The following LRGUK variants were observed in gnomAD, a reference collection of about 807,000 sequenced individuals.
LRGUK encodes the protein leucine-rich repeat and guanylate kinase domain-containing protein.
In LRGUK, 65 loss-of-function variants were observed where a neutral mutation model predicts 76.0. The observed-to-expected ratio is 0.85, with a 90% confidence interval of 0.70 to 1.05. The LOEUF (loss-of-function observed/expected upper bound fraction) is 1.05, where lower values mean the gene tolerates loss of function less well. Among genes scored for constraint, LRGUK ranks in the 50% least tolerant of loss-of-function variants. LRGUK has a pLI of 0.00. For synonymous variants in LRGUK, 268 were observed against 265.6 expected, an observed-to-expected ratio of 1.01 and a Z score of -0.09; for missense variants, 758 against 732.8, an observed-to-expected ratio of 1.03 and a Z score of -0.40.
chr7:134,256,698 T>C (rs941594235), intron 18 of LRGUK, among the ~76,000 whole-genome samples: 3 of 152,124 alleles, frequency 2.0e-5, no homozygotes, highest in Non-Finnish European at 4.4e-5. Flanking sequence ...CCCCCTTTTC[T>C]AGCTAATTCA....
At chr7:134,198,686 A>G (rs1326521081) in intron 13 of LRGUK, among the ~76,000 whole-genome samples, 4 of 152,184 alleles carry the variant, frequency 2.6e-5, no homozygotes, top group African/African-American at 9.7e-5. Context: ...CAGACCAGTC[A>G]GTTCCTTACA....
chr7:134,176,521 G>T (rs979874444), intron 8 of LRGUK, among the ~76,000 whole-genome samples: 1 of 151,040 alleles, frequency 6.6e-6, no homozygotes, highest in Non-Finnish European at 1.5e-5. Flanking sequence ...CTGGGACTAC[G>T]GGCACCTGCC....
chr7:134,226,102 A>G (rs1407355498), intron 16 of LRGUK, among the ~76,000 whole-genome samples: 1 of 152,156 alleles, frequency 6.6e-6, no homozygotes, highest in African/African-American at 2.4e-5. Flanking sequence ...AAAAGAAAAA[A>G]GGCATTTTTG....
chr7:134,130,068 C>T (rs1010477592), intron 1 of LRGUK, among the ~76,000 whole-genome samples: 2 of 152,144 alleles, frequency 1.3e-5, no homozygotes, highest in Admixed American at 6.5e-5. Context: ...TTCCCTTCCT[C>T]ATACCCCATT....
chr7:134,144,764 A>G (rs537771591), intron 4 of LRGUK, among the ~76,000 whole-genome samples: 10 of 152,174 alleles, frequency 6.6e-5, no homozygotes, highest in Non-Finnish European at 1.3e-4. Context: ...CCTTATCAAT[A>G]GTGCATTTTT....
chr7:134,163,325 A>C, intron 6 of LRGUK, 72 bp from the exon 7 acceptor site: 2 of 1,414,366 alleles, frequency 1.4e-6, no homozygotes, highest in Non-Finnish European at 1.9e-6. Flanking sequence ...CAGTATCCCA[A>C]ATGAAAACTT....
At chr7:134,251,067 T>C (rs1336789446) in intron 18 of LRGUK, among the ~76,000 whole-genome samples, 2 of 152,348 alleles carry the variant, frequency 1.3e-5, no homozygotes, top group Non-Finnish European at 2.9e-5. Flanking sequence ...AGACATATTA[T>C]TTCCCAAAAC....
chr7:134,215,616 G>A (rs544959874), intron 15 of LRGUK, among the ~76,000 whole-genome samples: 1 of 151,812 alleles, frequency 6.6e-6, no homozygotes, highest in East Asian at 1.9e-4. Context: ...AAAAAAAAAG[G>A]CACTTGAGAA....
chr7:134,169,646 G>A (rs947283482), intron 7 of LRGUK, among the ~76,000 whole-genome samples: 20 of 151,944 alleles, frequency 1.3e-4, no homozygotes, highest in Non-Finnish European at 2.5e-4. Context: ...TAATCCAATT[G>A]GGATTTACTT....
chr7:134,218,913 T>G (rs559858821), intron 15 of LRGUK, among the ~76,000 whole-genome samples: 2 of 152,346 alleles, frequency 1.3e-5, no homozygotes, highest in East Asian at 3.9e-4. Flanking sequence ...CCTGCATTTG[T>G]AATGATACTA....
the LRGUK span, among the ~76,000 whole-genome samples, chr7:134,273,553 T>C: frequency 2.0e-5 from 3 of 151,606 alleles, no homozygotes; most frequent in African/African-American, 7.3e-5. Flanking sequence ...AGTGTGCAAA[T>C]AGGTTTGAGA....
intron 15 of LRGUK, among the ~76,000 whole-genome samples, chr7:134,207,843 G>A (rs890654021): frequency 1.3e-5 from 2 of 152,158 alleles, no homozygotes; most frequent in Admixed American, 1.3e-4. Context: ...TTAGGACTGG[G>A]GTAAGATGGT....
downstream of LRGUK, among the ~76,000 whole-genome samples, chr7:134,266,189 C>G (rs1161549284): frequency 1.3e-5 from 2 of 152,148 alleles, no homozygotes; most frequent in African/African-American, 4.8e-5. Context: ...GATCTGAAGT[C>G]TCATTAACAC....
intron 9 of LRGUK, among the ~76,000 whole-genome samples, chr7:134,177,933 T>C (rs1159027003): frequency 2.0e-5 from 3 of 151,992 alleles, no homozygotes; most frequent in Admixed American, 2.0e-4. Context: ...TTTAGAAGAA[T>C]GGGAAAGACA....
chr7:134,274,512 T>C, the LRGUK span, among the ~76,000 whole-genome samples: 28 of 152,194 alleles, frequency 1.8e-4, no homozygotes. Flanking sequence ...TTATTTAAAT[T>C]ACCTAGATAC....
At chr7:134,189,019 A>G (rs1017313646) in intron 11 of LRGUK, among the ~76,000 whole-genome samples, 1 of 152,096 alleles carries the variant, frequency 6.6e-6, no homozygotes, top group Admixed American at 6.5e-5. Context: ...CTGGCTTTCC[A>G]ATTCCTTTTC....
chr7:134,151,430 A>G (rs900359525), intron 5 of LRGUK, among the ~76,000 whole-genome samples: 3 of 152,052 alleles, frequency 2.0e-5, no homozygotes, highest in Middle Eastern at 3.2e-3. Flanking sequence ...AAAATTAAAA[A>G]TCTTTCTACC....
chr7:134,167,182 C>T (rs774605283), intron 7 of LRGUK, among the ~76,000 whole-genome samples: 1 of 152,198 alleles, frequency 6.6e-6, no homozygotes, highest in Non-Finnish European at 1.5e-5. Context: ...GGCCTCCTTA[C>T]ACCCAAAGGT....
chr7:134,257,207 C>T (rs1802606174), intron 18 of LRGUK, among the ~76,000 whole-genome samples: 1 of 152,168 alleles, frequency 6.6e-6, no homozygotes, highest in Non-Finnish European at 1.5e-5. Context: ...CGTTGGCCCT[C>T]ATTAAAAGGC....
Sources: allele counts gnomAD v4.1 joint callset (sites outside exome capture counted in the v4.1 genomes callset), GRCh38; gene constraint gnomAD v4.1.1; transcripts MANE v1.5; gene names NCBI Gene and HGNC (gene_info 2026-07-23, HGNC 2026-07-21).